ZNF77: variants seen among roughly 807,000 people sequenced by gnomAD.
The protein encoded by ZNF77 is ZNFpT1.
ZNF77 carries 15 observed loss-of-function variants against 13.5 expected under a neutral mutation model. That is an observed-to-expected ratio of 1.11 (90% CI 0.74 to 1.71). The LOEUF (loss-of-function observed/expected upper bound fraction) is 1.71, where lower values mean the gene tolerates loss of function less well. Among genes scored for constraint, ZNF77 ranks in the 40% most tolerant of loss-of-function variants. ZNF77 has a pLI of 0.00. For synonymous variants in ZNF77, 282 were observed against 250.0 expected, an observed-to-expected ratio of 1.13 and a Z score of -1.21; for missense variants, 717 against 676.4, an observed-to-expected ratio of 1.06 and a Z score of -0.67.
intron 1 of ZNF77, among the ~76,000 whole-genome samples, chr19:2,944,384 C>G (rs911174270): frequency 6.7e-6 from 1 of 149,642 alleles, no homozygotes; most frequent in African/African-American, 2.5e-5. Context: ...CCTCTACGGC[C>G]CCCTCAAACT....
intron 1 of ZNF77, among the ~76,000 whole-genome samples, chr19:2,940,829 T>C (rs2088442743): frequency 1.3e-5 from 2 of 152,078 alleles, no homozygotes; most frequent in South Asian, 4.2e-4. Flanking sequence ...ACGTTTCCAC[T>C]GACTCTGTAA....
rs148398115 is a variant in ZNF77, at chr19:2,936,870, T to G, written c.131-166A>C. 1.1e-3 allele frequency among the ~76,000 whole-genome samples: 173 copies of G among 152,190 alleles called. 6 individuals carry two copies. In the East Asian group the frequency reaches 0.031, roughly 28 times the overall value. On this transcript the variant is annotated intron_variant, in intron 2 of 3. Transcript: ENST00000314531. ...CTGAGGACCTCATCTACTTGAGAAT[T>G]TGGCAATAATAAAAAGCAGATGAGC...
chr19:2,936,738 A>C (rs776483871), intron 2 of ZNF77, 34 bp from the exon 3 acceptor site: 1 of 1,575,268 alleles, frequency 6.3e-7, no homozygotes, highest in South Asian at 1.2e-5. Context: ...TCTTAGGAGA[A>C]ATATGTTGGG....
chr19:2,934,610 A>G lies in ZNF77; in HGVS notation c.517T>C (p.Cys173Arg). 2 of 1,614,136 alleles carry G rather than the reference A, an allele frequency of 1.2e-6. No homozygotes were observed. The highest frequency in any genetic ancestry group is 1.7e-6 in the Non-Finnish European group (2 of 1,179,988). Residue 173 changes from cysteine (C) to arginine (R), a missense_variant, in exon 4 of 4, where the codon TGC becomes CGC. By Grantham distance (180) the Cys-to-Arg change is radical. Transcript: ENST00000314531. ...ATAGGAGGGCTTTGGCAGGAGAGGC[A>G]GCTGCAGGCTTGCCCACATTCCTTA... is the stretch of plus-strand genomic sequence containing the variant. ...PCKECGQACS[C>R]LSCQSPPMKT...
rs749694668 is a variant in ZNF77, at chr19:2,934,083, T to C, written c.1044A>G (p.Gly348=). 15 of 1,613,976 alleles carry C rather than the reference T, an allele frequency of 9.3e-6. No individual in the cohort carries two copies. The highest frequency in any genetic ancestry group is 1.2e-5 in the Non-Finnish European group (14 of 1,180,024). ...ATTCCTTACATTCATAGGGTTTCTCTCCACTGTGCGTTCTCCCATGTTCTC... is the reference window on the plus strand; with the variant it reads ...ATTCCTTACATTCATAGGGTTTCTCCCCACTGTGCGTTCTCCCATGTTCTC... ...SLREHGRTHS[G]EKPYECKECG... is the part of the protein sequence containing the mutation. The change falls in exon 4 of 4, where the codon GGA becomes GGG. Residue 348 remains glycine (G), a synonymous_variant. Coordinates refer to ENST00000314531, the MANE Select transcript of ZNF77 (RefSeq NM_021217.3).
At chr19:2,944,670 C>G (rs2088480132) in intron 1 of ZNF77, among the ~76,000 whole-genome samples, 168 bp downstream of exon 1, 1 of 152,320 alleles carries the variant, frequency 6.6e-6, no homozygotes, top group African/African-American at 2.4e-5. Flanking sequence ...CCAGACTGCC[C>G]CCAGCCCTAC....
chr19:2,940,412 C>T (rs1005240208), intron 1 of ZNF77, among the ~76,000 whole-genome samples: 1 of 151,712 alleles, frequency 6.6e-6, no homozygotes, highest in Non-Finnish European at 1.5e-5. Context: ...TGGTGGCTCA[C>T]GCCTATAATC....
Position 2,934,597 on chromosome 19 carries a change from T to C in ZNF77, c.530A>G (p.Gln177Arg). The change falls in exon 4 of 4, where the codon CAA (glutamine) becomes CGA (arginine). Residue 177 changes from glutamine (Q) to arginine (R), a missense_variant. Transcript: ENST00000314531. The part of the protein sequence containing the change: ...CGQACSCLSC[Q>R]SPPMKTQTVE... ...AGTCTGCGTTTTCATAGGAGGGCTTTGGCAGGAGAGGCAGCTGCAGGCTTG... is the reference window on the plus strand; with the variant it reads ...AGTCTGCGTTTTCATAGGAGGGCTTCGGCAGGAGAGGCAGCTGCAGGCTTG... 6.2e-7 allele frequency: 1 copy of C among 1,614,150 alleles called. No individual in the cohort carries two copies. Among genetic ancestry groups the C allele is most frequent in the Non-Finnish European group, 8.5e-7 (1 of 1,179,996 alleles).
chr19:2,941,174 C>CAAAAAAAAA (rs142541120), intron 1 of ZNF77, among the ~76,000 whole-genome samples: 1 of 61,560 alleles, frequency 1.6e-5, no homozygotes, highest in Admixed American at 2.0e-4. Context: ...CGCCCTACCT[C>CAAAAAAAAA]AAAAAAAAAA....
chr19:2,940,843 T>C (rs1172551867), intron 1 of ZNF77, among the ~76,000 whole-genome samples: 18 of 152,184 alleles, frequency 1.2e-4, no homozygotes, highest in Non-Finnish European at 7.4e-5. Flanking sequence ...TCTGTAATTG[T>C]CTTACAAAAG....
chr19:2,937,108 G>A (rs2088404647), intron 2 of ZNF77, among the ~76,000 whole-genome samples: 1 of 152,100 alleles, frequency 6.6e-6, no homozygotes, highest in Non-Finnish European at 1.5e-5. Flanking sequence ...AGGATCACTT[G>A]AGCCCAGGAG....
Position 2,933,456 on chromosome 19 carries a change from G to C in ZNF77, c.*33C>G, listed in dbSNP as rs749364678. ...ACATTTACAACAAGGTTTTACGGTT[G>C]AACACTCTCCCAGGTCCACTGTATT... On this transcript the variant is annotated 3_prime_UTR_variant, in exon 4 of 4. Transcript: ENST00000314531. 12 of 1,513,078 alleles carry C rather than the reference G, an allele frequency of 7.9e-6. No individual in the cohort carries two copies. The highest frequency in any genetic ancestry group is 2.8e-5 in the African/African-American group (2 of 71,904). The allele number at this position is 1,513,078 out of a possible 1,614,324, so 93.7% of individuals were successfully genotyped here.
At chr19:2,939,654 G>A (rs374266680) in intron 1 of ZNF77, 121 of 486,882 alleles carry the variant, frequency 2.5e-4, no homozygotes, top group African/African-American at 2.0e-3. Flanking sequence ...CAGGTATGAG[G>A]GTGGGGAAAC....
chr19:2,939,483 C>G (rs1469845568), intron 1 of ZNF77, 76 bp from the exon 2 acceptor site: 4 of 1,582,242 alleles, frequency 2.5e-6, no homozygotes, highest in Non-Finnish European at 3.4e-6. Context: ...GTGAGGCTGA[C>G]AGCCTGGGGA....
chr19:2,938,767 T>TAACA (rs918766625), intron 2 of ZNF77, among the ~76,000 whole-genome samples: 12 of 152,118 alleles, frequency 7.9e-5, no homozygotes, highest in South Asian at 6.2e-4. Context: ...CCATCCTGGC[T>TAACA]AACACGGTGA....
chr19:2,933,343 A>C lies in ZNF77; in HGVS notation c.*146T>G. 3 of 917,522 alleles carry C rather than the reference A, an allele frequency of 3.3e-6. No homozygotes were observed. Among genetic ancestry groups the C allele is most frequent in the Non-Finnish European group, 4.8e-6 (3 of 629,870 alleles). 56.8% of individuals were successfully genotyped at this position (917,522 alleles called of 1,614,324 possible). ...GGCAATACCATATTAATCATAATTA[A>C]GAGATTTCTCTCCTACTCTGAATTT... On this transcript the variant is annotated 3_prime_UTR_variant, in exon 4 of 4. Transcript: ENST00000314531.
chr19:2,941,699 C>T (rs574504943), intron 1 of ZNF77, among the ~76,000 whole-genome samples: 25 of 152,258 alleles, frequency 1.6e-4, no homozygotes, highest in South Asian at 4.1e-4. Flanking sequence ...GTCCCCTAAT[C>T]GGAATTGCCG....
chr19:2,942,391 T>TC (rs917831839), intron 1 of ZNF77, among the ~76,000 whole-genome samples: 9 of 148,676 alleles, frequency 6.1e-5, no homozygotes, highest in South Asian at 2.2e-4. Context: ...TTTTTTTTTT[T>TC]CCAGACAGGG....
Position 2,933,517 on chromosome 19 carries a change from G to A in ZNF77, c.1610C>T (p.Ala537Val), listed in dbSNP as rs866463194. ...CGCTCCAGCATGTGTTCTCACATGT[G>A]CTTGAAGCGATGCGAGATACCTGAA... ...KTFRYLASLQ[A>V]HVRTHAGA The change falls in exon 4 of 4, where the codon GCA (alanine) becomes GTA (valine). Residue 537 changes from alanine to valine, a missense_variant. Coordinates refer to ENST00000314531, the MANE Select transcript of ZNF77 (RefSeq NM_021217.3). 1 of 1,592,386 alleles carries A rather than the reference G, an allele frequency of 6.3e-7. No individual in the cohort carries two copies. The highest frequency in any genetic ancestry group is 1.3e-5 in the African/African-American group (1 of 74,626).
Sources: allele counts gnomAD v4.1 joint callset (sites outside exome capture counted in the v4.1 genomes callset), GRCh38; gene constraint gnomAD v4.1.1; transcripts MANE v1.5; gene names NCBI Gene and HGNC (gene_info 2026-07-23, HGNC 2026-07-21).